The following SGCZ variants were observed in gnomAD, a reference collection of about 807,000 sequenced individuals.
The protein encoded by SGCZ is zeta-sarcoglycan.
SGCZ carries 40 observed loss-of-function variants against 41.3 expected under a neutral mutation model. The ratio of observed to expected loss-of-function variants is 0.97; its 90% CI spans 0.75 to 1.26. The LOEUF is 1.26. Among genes scored for constraint, SGCZ ranks in the 50% most tolerant of loss-of-function variants. SGCZ has a pLI of 0.00. For synonymous variants in SGCZ, 206 were observed against 137.5 expected (o/e 1.50, Z -3.49); for missense variants, 552 against 369.8 (o/e 1.49, Z -4.04).
intron 1 of SGCZ, among the ~76,000 whole-genome samples, chr8:14,928,640 G>A (rs1051022919): frequency 6.6e-6 from 1 of 152,010 alleles, no homozygotes; most frequent in Non-Finnish European, 1.5e-5. Flanking sequence ...ATATTACTGG[G>A]GTCCTCAGTG....
intron 1 of SGCZ, among the ~76,000 whole-genome samples, chr8:15,120,231 G>A (rs903471040): frequency 6.6e-6 from 1 of 152,160 alleles, no homozygotes. Context: ...AACTCCTACA[G>A]TTTTGCTTGG....
At chr8:15,173,397 G>C (rs268390) in intron 1 of SGCZ, among the ~76,000 whole-genome samples, 7,716 of 152,176 alleles carry the variant, frequency 0.051, 266 homozygotes, top group Non-Finnish European at 0.075. Context: ...GATGATGATA[G>C]CACCATTTAT....
chr8:15,038,814 C>CAAAAAAAA (rs58922339), intron 1 of SGCZ, among the ~76,000 whole-genome samples: 1 of 93,082 alleles, frequency 1.1e-5, no homozygotes, highest in African/African-American at 4.0e-5. Context: ...TGACATTTCT[C>CAAAAAAAA]AAAAAAAAAA....
At chr8:14,718,000 T>TATATATATATAC (rs1304415904) in intron 1 of SGCZ, among the ~76,000 whole-genome samples, 1 of 150,904 alleles carries the variant, frequency 6.6e-6, no homozygotes, top group Admixed American at 6.6e-5. Context: ...AAATAAGATA[T>TATATATATATAC]ATATATATAT....
intron 1 of SGCZ, among the ~76,000 whole-genome samples, chr8:14,887,061 A>G (rs1270080797): frequency 2.6e-5 from 4 of 152,150 alleles, no homozygotes; most frequent in Non-Finnish European, 5.9e-5. Context: ...GCAGATTGCA[A>G]GAGGAACAGG....
At chr8:14,899,646 C>T (rs13258031) in intron 1 of SGCZ, among the ~76,000 whole-genome samples, 1 of 152,024 alleles carries the variant, frequency 6.6e-6, no homozygotes, top group African/African-American at 2.4e-5. Context: ...ACTACCTGAT[C>T]CCGAAGGCAT....
chr8:15,072,855 T>C (rs566733149), intron 1 of SGCZ, among the ~76,000 whole-genome samples: 42 of 152,308 alleles, frequency 2.8e-4, no homozygotes, highest in African/African-American at 1.0e-3. Flanking sequence ...AACTGATTTC[T>C]AGAGAGCAAC....
chr8:14,547,788 G>C (rs996550453), intron 2 of SGCZ, among the ~76,000 whole-genome samples: 1 of 152,068 alleles, frequency 6.6e-6, no homozygotes, highest in Non-Finnish European at 1.5e-5. Context: ...TGTGAATCAG[G>C]CTATTTGCCT....
chr8:14,438,052 G>A (rs559702271), intron 2 of SGCZ, among the ~76,000 whole-genome samples: 2 of 151,744 alleles, frequency 1.3e-5, no homozygotes, highest in South Asian at 2.1e-4. Context: ...AAATGGTTAC[G>A]CATGGTAAAT....
At chr8:15,208,055 T>C (rs901652114) in intron 1 of SGCZ, among the ~76,000 whole-genome samples, 2 of 152,210 alleles carry the variant, frequency 1.3e-5, no homozygotes, top group Admixed American at 1.3e-4. Context: ...GTTTTATGTG[T>C]CTACTAAATA....
intron 1 of SGCZ, among the ~76,000 whole-genome samples, chr8:15,193,691 C>T (rs1800616162): frequency 6.6e-6 from 1 of 151,356 alleles, no homozygotes; most frequent in African/African-American, 2.5e-5. Context: ...CTCTGTAATC[C>T]TATTTCTGGC....
chr8:15,000,415 G>A (rs748639802), intron 1 of SGCZ, among the ~76,000 whole-genome samples: 15 of 152,180 alleles, frequency 9.9e-5, no homozygotes, highest in Non-Finnish European at 2.2e-4. Flanking sequence ...GATAGTAAGG[G>A]TTATGCGAGT....
intron 1 of SGCZ, among the ~76,000 whole-genome samples, chr8:15,108,509 C>T (rs1475224735): frequency 6.6e-6 from 1 of 152,096 alleles, no homozygotes; most frequent in African/African-American, 2.4e-5. Flanking sequence ...CAGTAAACAA[C>T]CATTGAACAA....
intron 1 of SGCZ, among the ~76,000 whole-genome samples, chr8:15,129,716 A>AAAAC: frequency 1.3e-5 from 2 of 151,612 alleles, no homozygotes; most frequent in Admixed American, 6.6e-5. Flanking sequence ...GCAAAAAAAA[A>AAAAC]AAAAAAAAAT....
intron 1 of SGCZ, among the ~76,000 whole-genome samples, chr8:15,073,406 G>A (rs1263263318): frequency 6.6e-6 from 1 of 152,124 alleles, no homozygotes; most frequent in Non-Finnish European, 1.5e-5. Context: ...CACAAATCCT[G>A]AGTAACAATT....
At chr8:14,662,695 A>C (rs187048723) in intron 1 of SGCZ, among the ~76,000 whole-genome samples, 1 of 152,328 alleles carries the variant, frequency 6.6e-6, no homozygotes, top group Admixed American at 6.5e-5. Context: ...ATTAAGGTTG[A>C]TAATGAAATC....
intron 1 of SGCZ, among the ~76,000 whole-genome samples, chr8:14,571,178 G>C (rs980362484): frequency 6.6e-6 from 1 of 152,122 alleles, no homozygotes; most frequent in Non-Finnish European, 1.5e-5. Flanking sequence ...GCGGGAAAGG[G>C]AGATAGCAGG....
chr8:14,421,271 G>A (rs778317731), intron 2 of SGCZ, among the ~76,000 whole-genome samples: 1 of 151,938 alleles, frequency 6.6e-6, no homozygotes, highest in Non-Finnish European at 1.5e-5. Context: ...CTTTTTAGAT[G>A]AATTTATTTA....
At chr8:15,127,510 G>A (rs1311795106) in intron 1 of SGCZ, among the ~76,000 whole-genome samples, 2 of 152,070 alleles carry the variant, frequency 1.3e-5, no homozygotes, top group Non-Finnish European at 2.9e-5. Flanking sequence ...ACAGGAGGTT[G>A]GGAAAATAAT....
Sources: allele counts gnomAD v4.1 joint callset (sites outside exome capture counted in the v4.1 genomes callset), GRCh38; gene constraint gnomAD v4.1.1; transcripts MANE v1.5; gene names NCBI Gene and HGNC (gene_info 2026-07-23, HGNC 2026-07-21).